ARRB1: variants seen among roughly 807,000 people sequenced by gnomAD.
The protein encoded by ARRB1 is arrestin beta 1.
ARRB1 carries 21 observed loss-of-function variants against 56.8 expected under a neutral mutation model. That is an observed-to-expected ratio of 0.37 (90% CI 0.26 to 0.53). ARRB1 has a LOEUF of 0.53. Ranked by LOEUF, ARRB1 falls within the 20% of genes least tolerant of loss-of-function variation. The pLI is 0.88. For synonymous variants in ARRB1, 210 were observed against 218.6 expected (o/e 0.96, Z 0.35); for missense variants, 424 against 553.7 (o/e 0.77, Z 2.35).
intron 1 of ARRB1, among the ~76,000 whole-genome samples, chr11:75,341,151 T>C (rs1382771440): frequency 6.6e-6 from 1 of 152,128 alleles, no homozygotes; most frequent in Non-Finnish European, 1.5e-5. Flanking sequence ...TTTGTTGTTG[T>C]TGTTGAGACA....
intron 1 of ARRB1, among the ~76,000 whole-genome samples, chr11:75,330,424 G>A (rs953480102): frequency 6.6e-6 from 1 of 152,010 alleles, no homozygotes; most frequent in Admixed American, 6.6e-5. Flanking sequence ...AAAGGCTGCA[G>A]GAAAGAGCCC....
At position 75,278,645 on chromosome 11, in the gene ARRB1, G is replaced by C; in HGVS notation, c.582C>G (p.Asp194Glu). 6.2e-7 allele frequency: 1 copy of C among 1,614,182 alleles called. No homozygotes were observed. The highest frequency in any genetic ancestry group is 8.5e-7 in the Non-Finnish European group (1 of 1,180,026). The change falls in exon 8 of 16, where the codon GAC (aspartate) becomes GAG (glutamate). Residue 194 changes from aspartate to glutamate, a missense_variant. Physicochemically the swap from Asp to Glu is conservative, Grantham distance 45 (BLOSUM62 2). Around this residue, in one of 3 missense-constraint regions of ARRB1, gnomAD observed 301 missense variants for 387.9 expected, o/e 0.78. Coordinates refer to ENST00000420843, the MANE Select transcript of ARRB1 (RefSeq NM_004041.5). ...AETTRQFLMS[D>E]KPLHLEASLD... ...GAGAGGCTTCTAGGTGCAAGGGCTT[G>C]TCCGACATGAGGAACTGCCTGGTGG...
Position 75,265,843 on chromosome 11 carries a change from A to T in ARRB1, c.*320T>A, listed in dbSNP as rs970545293. The T allele has an allele frequency of 2.7e-6, 1 of 369,766 alleles. No individual in the cohort carries two copies. The highest frequency in any genetic ancestry group is 2.1e-5 in the African/African-American group (1 of 47,890). 22.9% of individuals were successfully genotyped at this position (369,766 alleles called of 1,614,324 possible). A position where few individuals can be genotyped will look rare whatever the true frequency, so the allele number is the denominator to read the frequency against. On this transcript the variant is annotated 3_prime_UTR_variant, in exon 16 of 16. Transcript: ENST00000420843. ...CACCACACCGTGTCCCACATTCCCC[A>T]TCCTCCCCTGTCTGCTCCCCATCTC...
intron 1 of ARRB1, among the ~76,000 whole-genome samples, chr11:75,305,936 A>C (rs1308523276): frequency 2.0e-5 from 3 of 152,156 alleles, no homozygotes; most frequent in Non-Finnish European, 4.4e-5. Context: ...GACAAACACA[A>C]GCAAAAGAAT....
intron 2 of ARRB1, among the ~76,000 whole-genome samples, chr11:75,288,373 GA>G (rs1373092911): frequency 1.2e-4 from 18 of 152,206 alleles, no homozygotes; most frequent in Middle Eastern, 6.8e-3. Flanking sequence ...AGCCGGGAGG[GA>G]AAAACCCCCG....
Position 75,266,198 on chromosome 11 carries a change from C to T in ARRB1, c.1222G>A (p.Asp408Asn), listed in dbSNP as rs1945907293. ...TTGAGCTGTGGAGAGCCGGTACCAT[C>T]CTCCTCTTCCTCCTTGTCATCCTTC... is the stretch of plus-strand genomic sequence containing the variant. The part of the protein sequence containing the change: ...GMKDDKEEEE[D>N]GTGSPQLNNR Residue 408 changes from aspartate (D) to asparagine (N), a missense_variant, in exon 16 of 16, where the codon GAT becomes AAT. This residue lies in a region of ARRB1 where 121 missense variants were observed against 147.3 expected (regional missense o/e 0.82). Coordinates refer to ENST00000420843, the MANE Select transcript of ARRB1 (RefSeq NM_004041.5). The T allele has an allele frequency of 6.2e-7, 1 of 1,614,112 alleles. No individual in the cohort carries two copies. The highest frequency in any genetic ancestry group is 8.5e-7 in the Non-Finnish European group (1 of 1,180,050).
chr11:75,337,803 T>C (rs1196632887), intron 1 of ARRB1, among the ~76,000 whole-genome samples: 1 of 136,234 alleles, frequency 7.3e-6, no homozygotes, highest in Non-Finnish European at 1.6e-5. Flanking sequence ...TTTTTTTTTT[T>C]TTTTTTTTTT....
chr11:75,276,744 G>T, intron 10 of ARRB1, 95 bp downstream of exon 10: 1 of 1,270,352 alleles, frequency 7.9e-7, no homozygotes, highest in Non-Finnish European at 1.1e-6. Flanking sequence ...TCTGCCAGGT[G>T]GAGAAGAGCC....
chr11:75,277,456 G>T lies in ARRB1; in HGVS notation c.619-8C>A. 6.2e-7 allele frequency: 1 copy of T among 1,613,502 alleles called. No homozygotes were observed. Among genetic ancestry groups the T allele is most frequent in the South Asian group, 1.1e-5 (1 of 91,070 alleles). ...TTCTCCATGGTAATAGATCTGGGGGGCATAAGAAGGGACGGGGTTGGCTGG... is the reference window on the plus strand; with the variant it reads ...TTCTCCATGGTAATAGATCTGGGGGTCATAAGAAGGGACGGGGTTGGCTGG... On this transcript the variant is annotated splice_region_variant and splice_polypyrimidine_tract_variant and intron_variant, in intron 8 of 15. Coordinates refer to ENST00000420843, the MANE Select transcript of ARRB1 (RefSeq NM_004041.5).
intron 10 of ARRB1, among the ~76,000 whole-genome samples, chr11:75,276,174 A>G (rs1214150658): frequency 6.6e-6 from 1 of 151,312 alleles, no homozygotes; most frequent in East Asian, 1.9e-4. Flanking sequence ...GTAAAATTAT[A>G]TCAGGTATAA....
At chr11:75,318,752 T>C (rs1947302404) in intron 1 of ARRB1, among the ~76,000 whole-genome samples, 1 of 151,624 alleles carries the variant, frequency 6.6e-6, no homozygotes, top group Admixed American at 6.6e-5. Context: ...ACTGGGATTA[T>C]AGGAGTGAGC....
Position 75,271,750 on chromosome 11 carries a change from A to G in ARRB1, c.999-26T>C, listed in dbSNP as rs35666856. ...CTGGGTGGGTCAGAGGAGGCAGGAG[A>G]AGTGGTCAGGAGAGAGTTCAGAGAG... On this transcript the variant is annotated intron_variant, in intron 12 of 15. Coordinates refer to ENST00000420843, the MANE Select transcript of ARRB1 (RefSeq NM_004041.5). The G allele has an allele frequency of 2.4e-3, 3,704 of 1,567,878 alleles. 82 individuals carry two copies. The African/African-American group carries it at 0.043, about 18-fold the overall frequency.
At chr11:75,268,447 G>A (rs567635159) in intron 14 of ARRB1, among the ~76,000 whole-genome samples, 2 of 143,872 alleles carry the variant, frequency 1.4e-5, no homozygotes, top group African/African-American at 5.1e-5. Context: ...GGAGGTTGCA[G>A]TGAGCTAAGA....
chr11:75,291,971 T>C (rs1389179383), intron 1 of ARRB1, among the ~76,000 whole-genome samples: 1 of 152,102 alleles, frequency 6.6e-6, no homozygotes, highest in African/African-American at 2.4e-5. Context: ...GAGTGGGTGG[T>C]GGCTCTGCGC....
chr11:75,342,716 C>T (rs1000135488), intron 1 of ARRB1, among the ~76,000 whole-genome samples: 34 of 152,142 alleles, frequency 2.2e-4, no homozygotes, highest in African/African-American at 7.5e-4. Flanking sequence ...AGCGCGCCCT[C>T]CAGAGGCCGG....
chr11:75,304,196 G>A (rs1418930582), intron 1 of ARRB1, among the ~76,000 whole-genome samples: 1 of 152,122 alleles, frequency 6.6e-6, no homozygotes, highest in Non-Finnish European at 1.5e-5. Context: ...AAACTTTTAA[G>A]GATATAGAAT....
chr11:75,268,569 C>T (rs913795962), intron 14 of ARRB1, among the ~76,000 whole-genome samples: 8 of 146,622 alleles, frequency 5.5e-5, no homozygotes, highest in Non-Finnish European at 9.0e-5. Flanking sequence ...GCGTGTCCAA[C>T]GGTCATCTTA....
chr11:75,301,236 A>G (rs1412742334), intron 1 of ARRB1, among the ~76,000 whole-genome samples: 1 of 152,036 alleles, frequency 6.6e-6, no homozygotes. Context: ...CTGCAGGCAG[A>G]GGCCTGGAGA....
At chr11:75,268,064 A>G (rs1945974067) in intron 14 of ARRB1, among the ~76,000 whole-genome samples, 1 of 152,190 alleles carries the variant, frequency 6.6e-6, no homozygotes, top group Non-Finnish European at 1.5e-5. Context: ...ACATTTTAAC[A>G]TCTCCAAATT....
Sources: allele counts gnomAD v4.1 joint callset (sites outside exome capture counted in the v4.1 genomes callset), GRCh38; gene constraint gnomAD v4.1.1; regional missense constraint gnomAD v4.1.1; transcripts MANE v1.5; gene names NCBI Gene and HGNC (gene_info 2026-07-23, HGNC 2026-07-21).